BRWD1: variants seen among roughly 807,000 people sequenced by gnomAD.
The protein encoded by BRWD1 is bromodomain and WD repeat-containing protein 1.
Under a neutral mutation model 251.2 loss-of-function variants are expected in BRWD1, and 82 were observed. That is an observed-to-expected ratio of 0.33 (90% CI 0.27 to 0.39). The LOEUF (loss-of-function observed/expected upper bound fraction) is 0.39. Among genes scored for constraint, BRWD1 ranks in the 10% least tolerant of loss-of-function variants. BRWD1 has a pLI of 1.00. For missense variants in BRWD1, 2,233 were observed against 2,711.6 expected (o/e 0.82, Z 3.92); for synonymous variants, 918 against 902.8 (o/e 1.02, Z -0.30).
At chr21:39,270,623 A>T (rs2035068241) in intron 13 of BRWD1, among the ~76,000 whole-genome samples, 190 bp from the exon 14 acceptor site, 1 of 152,192 alleles carries the variant, frequency 6.6e-6, no homozygotes, top group Non-Finnish European at 1.5e-5. Flanking sequence ...TGAAGAAGGG[A>T]GGGATAATTT....
chr21:39,237,957 TA>T (rs929824170), intron 22 of BRWD1, among the ~76,000 whole-genome samples: 3 of 147,684 alleles, frequency 2.0e-5, no homozygotes, highest in Non-Finnish European at 1.5e-5. Context: ...CAGTACCAAT[TA>T]AAAAAAAAAG....
intron 23 of BRWD1, among the ~76,000 whole-genome samples, chr21:39,234,061 G>C (rs78970591): frequency 1.3e-5 from 2 of 152,132 alleles, no homozygotes; most frequent in Admixed American, 6.6e-5. Context: ...AAAAGTTTAT[G>C]TGTGACTTCA....
intron 4 of BRWD1, among the ~76,000 whole-genome samples, chr21:39,309,824 C>CAAAAAAA (rs10709480): frequency 2.7e-5 from 2 of 75,236 alleles, no homozygotes; most frequent in African/African-American, 5.5e-5. Flanking sequence ...GACTCCGTCT[C>CAAAAAAA]AAAAAAAAAA....
chr21:39,313,515 G>T lies in BRWD1; in HGVS notation c.-24C>A. On this transcript the variant is annotated 5_prime_UTR_variant, in exon 1 of 41. Transcript: ENST00000342449. ...ATGGCCGGGCGCGGGGCGGGAGGCG[G>T]GAGCGAGCGAGCGAGCGGAGCGTGT... The T allele has an allele frequency of 7.5e-7, 1 of 1,329,870 alleles. No homozygotes were observed. Among genetic ancestry groups the T allele is most frequent in the Non-Finnish European group, 9.6e-7 (1 of 1,046,628 alleles). 82.4% of individuals were successfully genotyped at this position (1,329,870 alleles called of 1,614,324 possible).
At chr21:39,284,767 C>T (rs1051548346) in intron 8 of BRWD1, among the ~76,000 whole-genome samples, 2 of 152,086 alleles carry the variant, frequency 1.3e-5, no homozygotes, top group Non-Finnish European at 2.9e-5. Flanking sequence ...CATTTTTTAA[C>T]TGAATTTTTT....
At chr21:39,216,732 A>G in intron 31 of BRWD1, 1 of 417,550 alleles carries the variant, frequency 2.4e-6, no homozygotes. Flanking sequence ...AGACTTCACA[A>G]CAAAAGTAAA....
chr21:39,281,990 ATG>A (rs951138956), intron 8 of BRWD1, among the ~76,000 whole-genome samples: 5 of 151,566 alleles, frequency 3.3e-5, no homozygotes, highest in Non-Finnish European at 1.5e-5. Context: ...GTATATAAAT[ATG>A]TATATATACA....
rs2033652250 is a variant in BRWD1, at chr21:39,232,457, C to T, written c.2808G>A (p.Glu936=). ...CTGGAGGGTGAAATTCATATAAATG[C>T]TCCATATTTGCAAGCTCTGCTGGAG... is the stretch of plus-strand genomic sequence containing the variant. ...RMTPAELANM[E]HLYEFHPPVW... Residue 936 remains glutamate, a synonymous_variant, in exon 24 of 41, where the codon GAG becomes GAA. Coordinates refer to ENST00000342449, the MANE Select transcript of BRWD1 (RefSeq NM_033656.4). 2 of 1,587,264 alleles carry T rather than the reference C, an allele frequency of 1.3e-6. No individual in the cohort carries two copies. Among genetic ancestry groups the T allele is most frequent in the Non-Finnish European group, 1.7e-6 (2 of 1,174,054 alleles).
At chr21:39,217,148 T>G (rs1211211903) in intron 31 of BRWD1, 1 of 143,026 alleles carries the variant, frequency 7.0e-6, no homozygotes, top group African/African-American at 2.6e-5. Context: ...CAGGATGGAG[T>G]GTAGTGGCGT....
chr21:39,193,349 G>C lies in BRWD1; in HGVS notation c.*2910C>G, dbSNP rs1380001537. The C allele has an allele frequency of 4.1e-6, 4 of 984,586 alleles. No homozygotes were observed. The African/African-American group carries it at 5.2e-5, about 13-fold the overall frequency. 61.0% of individuals were successfully genotyped at this position (984,586 alleles called of 1,614,324 possible). A position where few individuals can be genotyped will look rare whatever the true frequency, so the allele number is the denominator to read the frequency against. On this transcript the variant is annotated 3_prime_UTR_variant, in exon 41 of 41. Coordinates refer to ENST00000342449, the MANE Select transcript of BRWD1 (RefSeq NM_033656.4). The stretch of plus-strand genomic sequence containing the variant: ...GGGAGGCTGACCTTAGGAATTATTT[G>C]AATATGGGATAAACTTTTCCTTTTA...
rs1182211582 is a variant in BRWD1, at chr21:39,312,920, A to T, written c.139-20T>A. The T allele has an allele frequency of 1.4e-5, 17 of 1,185,466 alleles. No individual in the cohort carries two copies. The highest frequency in any genetic ancestry group is 1.9e-5 in the Non-Finnish European group (17 of 907,786). The allele number at this position is 1,185,466 out of a possible 1,614,324, so 73.4% of individuals were successfully genotyped here. A position where few individuals can be genotyped will look rare whatever the true frequency, so the allele number is the denominator to read the frequency against. Reference sequence around the variant, plus strand: ...CAACAACTGGAAAGACACGAAACGCACACGAGTGACCACCCCTCCGGCGCG... The same window carrying T: ...CAACAACTGGAAAGACACGAAACGCTCACGAGTGACCACCCCTCCGGCGCG... On this transcript the variant is annotated intron_variant, in intron 3 of 40. Coordinates refer to ENST00000342449, the MANE Select transcript of BRWD1 (RefSeq NM_033656.4).
At chr21:39,245,601 G>T (rs1434398178) in intron 21 of BRWD1, among the ~76,000 whole-genome samples, 14 of 118,810 alleles carry the variant, frequency 1.2e-4, no homozygotes, top group African/African-American at 4.1e-4. Flanking sequence ...TTTTTTTTTG[G>T]TTTTTTTTTT....
intron 8 of BRWD1, among the ~76,000 whole-genome samples, chr21:39,284,645 T>C (rs2035575190): frequency 6.6e-6 from 1 of 152,236 alleles, no homozygotes; most frequent in African/African-American, 2.4e-5. Flanking sequence ...AGTATCTCAC[T>C]GTGGTTTTGA....
chr21:39,284,308 T>C (rs1487078367), intron 8 of BRWD1, among the ~76,000 whole-genome samples: 2 of 152,180 alleles, frequency 1.3e-5, no homozygotes, highest in African/African-American at 2.4e-5. Context: ...AGCAAGACAC[T>C]GTCTCTACAA....
chr21:39,295,721 C>G, intron 7 of BRWD1, 22 bp downstream of exon 7: 1 of 1,529,488 alleles, frequency 6.5e-7, no homozygotes, highest in Non-Finnish European at 8.8e-7. Context: ...GACATCAAAT[C>G]AAGTTTAAAA....
At position 39,191,681 on chromosome 21, in the gene BRWD1, G is replaced by C; in HGVS notation, c.*4578C>G. On this transcript the variant is annotated 3_prime_UTR_variant, in exon 41 of 41. Transcript: ENST00000342449. The stretch of plus-strand genomic sequence containing the variant: ...AAGATCCCTTTAACTTTTACCCACT[G>C]ATCAAAAAAGGTAATTTTTAAAATG... The C allele has an allele frequency of 1.0e-6, 1 of 984,740 alleles. No homozygotes were observed. The highest frequency in any genetic ancestry group is 1.7e-5 in the African/African-American group (1 of 57,250). The allele number at this position is 984,740 out of a possible 1,614,324, so 61.0% of individuals were successfully genotyped here.
chr21:39,236,541 G>C (rs1014075983), intron 23 of BRWD1, 54 bp downstream of exon 23: 6 of 1,381,654 alleles, frequency 4.3e-6, no homozygotes, highest in East Asian at 2.4e-5. Flanking sequence ...TTTGAAATGG[G>C]GTAAAGCTGG....
intron 4 of BRWD1, among the ~76,000 whole-genome samples, chr21:39,304,635 A>T (rs1396146203): frequency 6.6e-6 from 1 of 152,082 alleles, no homozygotes; most frequent in Admixed American, 6.6e-5. Context: ...AAAAATACAA[A>T]TGACCAAAAC....
At chr21:39,302,750 G>A (rs1375444667) in intron 4 of BRWD1, among the ~76,000 whole-genome samples, 3 of 64,726 alleles carry the variant, frequency 4.6e-5, no homozygotes, top group African/African-American at 1.3e-4. Context: ...GTGAGACTCC[G>A]TCTTAAAAAA....
Sources: allele counts gnomAD v4.1 joint callset (sites outside exome capture counted in the v4.1 genomes callset), GRCh38; gene constraint gnomAD v4.1.1; transcripts MANE v1.5; gene names NCBI Gene and HGNC (gene_info 2026-07-23, HGNC 2026-07-21).